RFX3: variants seen among roughly 807,000 people sequenced by gnomAD.
RFX3 encodes the protein transcription factor RFX3.
In RFX3, 14 loss-of-function variants were observed where a neutral mutation model predicts 98.6. The ratio of observed to expected loss-of-function variants is 0.14; its 90% CI spans 0.09 to 0.22. The LOEUF is 0.22. RFX3 is among the 10% of genes least tolerant of loss of function. RFX3 has a pLI of 1.00. For missense variants in RFX3, 639 were observed against 926.9 expected, an observed-to-expected ratio of 0.69 and a Z score of 4.03; for synonymous variants, 383 against 328.4, an observed-to-expected ratio of 1.17 and a Z score of -1.80.
chr9:3,334,700 C>T (rs1832964260), intron 3 of RFX3, among the ~76,000 whole-genome samples: 1 of 152,078 alleles, frequency 6.6e-6, no homozygotes, highest in South Asian at 2.1e-4. Flanking sequence ...GGAGAAAAAG[C>T]ACAGAATTAT....
At chr9:3,447,074 G>T (rs1009167916) in intron 1 of RFX3, among the ~76,000 whole-genome samples, 2 of 152,018 alleles carry the variant, frequency 1.3e-5, no homozygotes, top group African/African-American at 4.8e-5. Flanking sequence ...GAATCCCTTA[G>T]TCTATGAAAT....
At chr9:3,297,249 T>C (rs1157244611) in intron 5 of RFX3, among the ~76,000 whole-genome samples, 1 of 152,116 alleles carries the variant, frequency 6.6e-6, no homozygotes, top group East Asian at 1.9e-4. Flanking sequence ...ATAAAATGTC[T>C]TGTAAAATGT....
At chr9:3,306,786 CCTGG>C (rs1176468621) in intron 4 of RFX3, among the ~76,000 whole-genome samples, 1 of 151,328 alleles carries the variant, frequency 6.6e-6, no homozygotes. Flanking sequence ...ACAAATAATA[CCTGG>C]CATTCTGATA....
intron 9 of RFX3, 123 bp from the exon 10 acceptor site, chr9:3,271,241 T>A: frequency 1.5e-6 from 1 of 670,464 alleles, no homozygotes; most frequent in Non-Finnish European, 2.4e-6. Flanking sequence ...GTTAACATGG[T>A]GAAACTACAC....
chr9:3,288,701 C>A (rs769222944), intron 6 of RFX3, among the ~76,000 whole-genome samples: 4 of 151,988 alleles, frequency 2.6e-5, no homozygotes, highest in African/African-American at 9.7e-5. Context: ...AATCTTAATT[C>A]TACTTTCCTG....
chr9:3,339,280 G>C (rs1261842387), intron 3 of RFX3, among the ~76,000 whole-genome samples: 1 of 152,116 alleles, frequency 6.6e-6, no homozygotes, highest in Non-Finnish European at 1.5e-5. Context: ...TGAGTCACTT[G>C]CCCTGACAAC....
At position 3,520,146 on chromosome 9, in the gene RFX3, T is replaced by C. The variant is rs981188746; in HGVS notation, c.-9+5601A>G. ...AATCTTAGTGGCAAAAACTAACTGG[T>C]AAACTGTAGGACTATATTTTTAAAG... On this transcript the variant is annotated intron_variant, in intron 1 of 16. Coordinates refer to ENST00000617270, the MANE Select transcript of RFX3 (RefSeq NM_001282116.2). Among the ~76,000 whole-genome samples the C allele has an allele frequency of 3.3e-5, 5 of 152,240 alleles. No individual in the cohort carries two copies. The South Asian group carries it at 1.0e-3, about 32-fold the overall frequency.
intron 1 of RFX3, among the ~76,000 whole-genome samples, chr9:3,485,987 G>A (rs1051544021): frequency 1.3e-5 from 2 of 151,884 alleles, no homozygotes; most frequent in African/African-American, 4.8e-5. Context: ...AGCCAGGCAT[G>A]GTGGCGCATT....
At chr9:3,369,977 C>T (rs1007771208) in intron 2 of RFX3, among the ~76,000 whole-genome samples, 11 of 150,420 alleles carry the variant, frequency 7.3e-5, no homozygotes, top group South Asian at 2.1e-4. Context: ...TACAGGCGCC[C>T]GCCACTACGC....
At chr9:3,346,095 A>C (rs1246869272) in intron 3 of RFX3, among the ~76,000 whole-genome samples, 2 of 152,328 alleles carry the variant, frequency 1.3e-5, no homozygotes, top group African/African-American at 4.8e-5. Context: ...TCTTATTGCA[A>C]AGTAGCCAAG....
intron 1 of RFX3, among the ~76,000 whole-genome samples, chr9:3,451,847 T>C (rs1846666868): frequency 6.6e-6 from 1 of 152,024 alleles, no homozygotes; most frequent in African/African-American, 2.4e-5. Context: ...TTTTTTTTTT[T>C]TAATATCTGC....
At chr9:3,435,438 C>T (rs377249902) in intron 1 of RFX3, among the ~76,000 whole-genome samples, 63 of 151,970 alleles carry the variant, frequency 4.1e-4, no homozygotes, top group African/African-American at 1.5e-3. Flanking sequence ...CAAACATACA[C>T]ATTAACCTAG....
chr9:3,482,148 A>G (rs1401256038), intron 1 of RFX3, among the ~76,000 whole-genome samples: 4 of 151,706 alleles, frequency 2.6e-5, no homozygotes, highest in African/African-American at 7.2e-5. Context: ...GTTTAAATAC[A>G]TGATACATAC....
At chr9:3,261,271 A>T (rs2131189511) in intron 13 of RFX3, among the ~76,000 whole-genome samples, 1 of 152,054 alleles carries the variant, frequency 6.6e-6, no homozygotes, top group Non-Finnish European at 1.5e-5. Flanking sequence ...CTAAAAATAA[A>T]CCCCATGACT....
chr9:3,400,557 C>G (rs1841377830), intron 1 of RFX3, among the ~76,000 whole-genome samples: 1 of 152,164 alleles, frequency 6.6e-6, no homozygotes, highest in Non-Finnish European at 1.5e-5. Flanking sequence ...TTGATAAAAA[C>G]TTAGTCTCTC....
At chr9:3,521,258 C>G (rs757747310) in intron 1 of RFX3, among the ~76,000 whole-genome samples, 4 of 152,004 alleles carry the variant, frequency 2.6e-5, no homozygotes, top group Non-Finnish European at 5.9e-5. Context: ...ACATATATGC[C>G]TATAGGACTA....
chr9:3,415,230 T>TATAA (rs1842886650), intron 1 of RFX3, among the ~76,000 whole-genome samples: 1 of 140,610 alleles, frequency 7.1e-6, no homozygotes, highest in Non-Finnish European at 1.5e-5. Context: ...TATATATATA[T>TATAA]AAGAGTTGGG....
At chr9:3,361,439 G>A (rs548878162) in intron 2 of RFX3, among the ~76,000 whole-genome samples, 1 of 152,136 alleles carries the variant, frequency 6.6e-6, no homozygotes, top group South Asian at 2.1e-4. Flanking sequence ...GGGAAAAACT[G>A]ATTTTCTCTG....
chr9:3,352,093 A>C (rs1835205285), intron 2 of RFX3, among the ~76,000 whole-genome samples: 1 of 152,066 alleles, frequency 6.6e-6, no homozygotes, highest in Non-Finnish European at 1.5e-5. Context: ...AAAAGAATAA[A>C]GTAAGATATA....
Sources: allele counts gnomAD v4.1 joint callset (sites outside exome capture counted in the v4.1 genomes callset), GRCh38; gene constraint gnomAD v4.1.1; transcripts MANE v1.5; gene names NCBI Gene and HGNC (gene_info 2026-07-23, HGNC 2026-07-21).